The following TBC1D1 variants were observed in gnomAD, a reference collection of about 807,000 sequenced individuals.
TBC1D1 encodes the protein TBC1 domain family member 1.
TBC1D1 carries 89 observed loss-of-function variants against 125.6 expected under a neutral mutation model. The ratio of observed to expected loss-of-function variants is 0.71; its 90% CI spans 0.60 to 0.85. The LOEUF is 0.85. Ranked by LOEUF, TBC1D1 falls within the 40% of genes least tolerant of loss-of-function variation. The pLI is 0.00. For synonymous variants in TBC1D1, 565 were observed against 564.1 expected, an observed-to-expected ratio of 1.00 and a Z score of -0.02; for missense variants, 1,377 against 1,469.2, an observed-to-expected ratio of 0.94 and a Z score of 1.03.
At chr4:37,942,375 T>G (rs533452909) in intron 2 of TBC1D1, among the ~76,000 whole-genome samples, 2 of 152,288 alleles carry the variant, frequency 1.3e-5, no homozygotes, top group East Asian at 1.9e-4. Context: ...TCCATTTGCT[T>G]GTTAGATCTT....
chr4:37,964,270 G>A (rs147771494), intron 2 of TBC1D1, among the ~76,000 whole-genome samples: 3 of 152,344 alleles, frequency 2.0e-5, no homozygotes, highest in East Asian at 1.9e-4. Flanking sequence ...CAGAGAGGCC[G>A]TGTGCCCCTT....
At chr4:37,903,539 T>C (rs1405212001) in intron 2 of TBC1D1, among the ~76,000 whole-genome samples, 1 of 152,206 alleles carries the variant, frequency 6.6e-6, no homozygotes, top group African/African-American at 2.4e-5. Flanking sequence ...CAGTGAAGCC[T>C]TGAAAGCTTC....
intron 2 of TBC1D1, among the ~76,000 whole-genome samples, chr4:37,942,151 G>T (rs1335735562): frequency 2.0e-5 from 3 of 152,146 alleles, no homozygotes; most frequent in Non-Finnish European, 2.9e-5. Flanking sequence ...ATTATTGTGT[G>T]GGGTCTAAGT....
At chr4:38,082,689 C>T (rs1756784403) in intron 12 of TBC1D1, among the ~76,000 whole-genome samples, 1 of 152,226 alleles carries the variant, frequency 6.6e-6, no homozygotes, top group East Asian at 1.9e-4. Flanking sequence ...ACCAGCCGCC[C>T]ATCACTGGGG....
At chr4:37,910,722 A>T (rs1431592979) in intron 2 of TBC1D1, among the ~76,000 whole-genome samples, 1 of 152,100 alleles carries the variant, frequency 6.6e-6, no homozygotes, top group Non-Finnish European at 1.5e-5. Flanking sequence ...AGAATAAATA[A>T]GATTTAGTAT....
chr4:38,027,730 C>G, intron 6 of TBC1D1, 58 bp from the exon 7 acceptor site: 1 of 1,101,678 alleles, frequency 9.1e-7, no homozygotes, highest in Non-Finnish European at 1.4e-6. Flanking sequence ...GAGGTTAACT[C>G]CCTATCTCAC....
Position 38,137,528 on chromosome 4 carries a change from T to G in TBC1D1, c.*193T>G. On this transcript the variant is annotated 3_prime_UTR_variant, in exon 20 of 20. Transcript: ENST00000261439. ...CATGTCCCAGTGTTTTTTTTGTTGTTTTTAGATACTAAATCGTCCCTTCTC... is the reference window on the plus strand; with the variant it reads ...CATGTCCCAGTGTTTTTTTTGTTGTGTTTAGATACTAAATCGTCCCTTCTC... 1.4e-6 allele frequency: 1 copy of G among 739,618 alleles called. No homozygotes were observed. The highest frequency in any genetic ancestry group is 3.1e-5 in the East Asian group (1 of 32,010). 45.8% of individuals were successfully genotyped at this position (739,618 alleles called of 1,614,324 possible). A position where few individuals can be genotyped will look rare whatever the true frequency, so the allele number is the denominator to read the frequency against.
rs4008480 is a variant in TBC1D1 at position 37,902,259 on chromosome 4, C to T, written c.164C>T (p.Thr55Ile). 427 of 1,613,994 alleles carry T rather than the reference C, an allele frequency of 2.6e-4. 1 individual carries two copies. In the African/African-American group the frequency reaches 5.0e-3, roughly 19 times the overall value. ...GTGCGAAGACTCAGCAGGCAGTCCA[C>T]CAGAAAGGAACCTGTAACCAAGCAA... The change falls in exon 2 of 20, where the codon ACC (threonine) becomes ATC (isoleucine). Residue 55 changes from threonine to isoleucine, a missense_variant. By Grantham distance (89) the Thr-to-Ile change is moderately conservative. Coordinates refer to ENST00000261439, the MANE Select transcript of TBC1D1 (RefSeq NM_015173.4).
intron 15 of TBC1D1, among the ~76,000 whole-genome samples, chr4:38,111,733 G>A (rs192965695): frequency 6.6e-6 from 1 of 152,326 alleles, no homozygotes; most frequent in African/African-American, 2.4e-5. Flanking sequence ...GACCTCCAGG[G>A]GTCCTCAGGC....
intron 15 of TBC1D1, among the ~76,000 whole-genome samples, chr4:38,104,652 C>G (rs1306372750): frequency 1.3e-5 from 2 of 152,204 alleles, no homozygotes; most frequent in Non-Finnish European, 2.9e-5. Context: ...GCAGCCACGA[C>G]AGAGGATGCA....
At chr4:38,090,274 C>A (rs1758211758) in intron 13 of TBC1D1, among the ~76,000 whole-genome samples, 157 bp downstream of exon 15, 1 of 152,200 alleles carries the variant, frequency 6.6e-6, no homozygotes, top group Non-Finnish European at 1.5e-5. Flanking sequence ...GTAATATTAA[C>A]ACTGTTTACT....
intron 2 of TBC1D1, among the ~76,000 whole-genome samples, chr4:37,956,952 A>T (rs1729060790): frequency 6.6e-6 from 1 of 152,092 alleles, no homozygotes; most frequent in Admixed American, 6.5e-5. Flanking sequence ...AGAAAAAAAA[A>T]AAAAAGAAGG....
In TBC1D1 at chr4:38,137,457, TG is replaced by T; in HGVS notation, c.*123del. ...GTGCTTCTCAGGGAGGAAACCGGCTTGCCAGCAAGTAGATTCTTACGAACTC... is the reference window on the plus strand; with the variant it reads ...GTGCTTCTCAGGGAGGAAACCGGCTTCCAGCAAGTAGATTCTTACGAACTC... On this transcript the variant is annotated 3_prime_UTR_variant, in exon 20 of 20. Coordinates refer to ENST00000261439, the MANE Select transcript of TBC1D1 (RefSeq NM_015173.4). 7.7e-7 allele frequency: 1 copy of T among 1,290,744 alleles called. No individual in the cohort carries two copies. The highest frequency in any genetic ancestry group is 2.5e-5 in the South Asian group (1 of 39,450). 80.0% of individuals were successfully genotyped at this position (1,290,744 alleles called of 1,614,324 possible).
At chr4:38,024,877 T>G (rs1365546254) in intron 6 of TBC1D1, among the ~76,000 whole-genome samples, 7 of 152,194 alleles carry the variant, frequency 4.6e-5, no homozygotes, top group Admixed American at 4.6e-4. Flanking sequence ...AAAGACTATG[T>G]TTTCTTAATC....
At chr4:38,051,323 T>G (rs529373553) in intron 11 of TBC1D1, among the ~76,000 whole-genome samples, 2 of 152,330 alleles carry the variant, frequency 1.3e-5, no homozygotes, top group South Asian at 4.1e-4. Flanking sequence ...TCTTTTCCGA[T>G]TTATCTACAG....
chr4:38,048,486 T>G (rs908651319), intron 10 of TBC1D1, among the ~76,000 whole-genome samples: 2 of 152,054 alleles, frequency 1.3e-5, no homozygotes, highest in Non-Finnish European at 2.9e-5. Context: ...GGGAATTTTT[T>G]CCTAATTCTT....
intron 11 of TBC1D1, chr4:38,053,160 A>G: frequency 6.5e-7 from 1 of 1,537,964 alleles, no homozygotes; most frequent in South Asian, 1.2e-5. Context: ...CCTCTGTGCC[A>G]AATTTTCTAA....
intron 14 of TBC1D1, among the ~76,000 whole-genome samples, chr4:38,101,948 T>G (rs976654039): frequency 1.3e-5 from 2 of 152,066 alleles, no homozygotes; most frequent in African/African-American, 2.4e-5. Flanking sequence ...AAGGATTCTG[T>G]GGAACCTTGA....
intron 7 of TBC1D1, among the ~76,000 whole-genome samples, chr4:38,028,861 T>C (rs1745596723): frequency 1.3e-5 from 2 of 152,138 alleles, no homozygotes; most frequent in Non-Finnish European, 2.9e-5. Flanking sequence ...GAATTCCTTC[T>C]TTCCCCCAAC....
Sources: gnomAD v4.1 joint callset for allele counts (sites outside exome capture counted in the v4.1 genomes callset) on GRCh38, gnomAD v4.1.1 for gene constraint, MANE v1.5 for transcripts, NCBI Gene and HGNC (gene_info 2026-07-23, HGNC 2026-07-21) for gene names.